BNC2: variants seen among roughly 807,000 people sequenced by gnomAD.
BNC2 encodes the protein basonuclin zinc finger protein 2.
A neutral mutation model predicts 76.3 loss-of-function variants in BNC2; 20 were observed. That is an observed-to-expected ratio of 0.26 (90% confidence interval 0.18 to 0.38). BNC2 has a LOEUF of 0.38. Ranked by LOEUF, BNC2 falls within the 10% of genes least tolerant of loss-of-function variation. The probability of loss-of-function intolerance (pLI) is 1.00; values close to 1 mark genes in which losing one functional copy is unlikely to be tolerated. For missense variants in BNC2, 1,382 were observed against 1,399.8 expected (o/e 0.99, Z 0.20); for synonymous variants, 582 against 514.8 (o/e 1.13, Z -1.77).
chr9:16,591,969 AT>A (rs1819941237), intron 3 of BNC2, among the ~76,000 whole-genome samples: 1 of 152,176 alleles, frequency 6.6e-6, no homozygotes, highest in Admixed American at 6.6e-5. Flanking sequence ...GAAAAAACAC[AT>A]TAGATCTTAT....
chr9:16,615,130 G>T (rs1372229751), intron 3 of BNC2, among the ~76,000 whole-genome samples: 1 of 152,012 alleles, frequency 6.6e-6, no homozygotes, highest in Non-Finnish European at 1.5e-5. Context: ...GATACAGCAT[G>T]ATAAACCCAT....
intron 5 of BNC2, among the ~76,000 whole-genome samples, chr9:16,482,517 C>T (rs1404834253): frequency 6.6e-6 from 1 of 152,042 alleles, no homozygotes; most frequent in Non-Finnish European, 1.5e-5. Flanking sequence ...TCTATTTTGA[C>T]AGTTTAAATT....
At chr9:16,524,955 C>T (rs73417449) in intron 5 of BNC2, among the ~76,000 whole-genome samples, 1 of 151,876 alleles carries the variant, frequency 6.6e-6, no homozygotes, top group Non-Finnish European at 1.5e-5. Context: ...CACCTGCAGT[C>T]CTAGCCACTC....
chr9:16,830,194 C>CA (rs1411957753), intron 1 of BNC2, among the ~76,000 whole-genome samples: 1 of 152,048 alleles, frequency 6.6e-6, no homozygotes, highest in African/African-American at 2.4e-5. Context: ...ATGGTATAAA[C>CA]AAAAAACAAA....
intron 5 of BNC2, among the ~76,000 whole-genome samples, chr9:16,461,155 CAG>C (rs1246507467): frequency 6.6e-6 from 1 of 152,068 alleles, no homozygotes; most frequent in African/African-American, 2.4e-5. Context: ...TCATAAATAA[CAG>C]AATAAATTTT....
At chr9:16,663,369 C>G (rs561197569) in intron 3 of BNC2, among the ~76,000 whole-genome samples, 1 of 152,002 alleles carries the variant, frequency 6.6e-6, no homozygotes, top group Non-Finnish European at 1.5e-5. Context: ...ACCTCATGAT[C>G]CACTGGCCTC....
chr9:16,867,389 G>A (rs1401140645), intron 1 of BNC2: 1 of 151,940 alleles, frequency 6.6e-6, no homozygotes, highest in Non-Finnish European at 1.5e-5. Flanking sequence ...TTTGGGGATC[G>A]TAGGTTGTTT....
intron 1 of BNC2, among the ~76,000 whole-genome samples, chr9:16,865,351 T>G (rs1819519586): frequency 6.6e-6 from 1 of 152,176 alleles, no homozygotes; most frequent in African/African-American, 2.4e-5. Flanking sequence ...TTATTAGAGT[T>G]TTATAGTCAA....
At position 16,682,146 on chromosome 9, in the gene BNC2, C is replaced by T. The variant is rs371630667; in HGVS notation, c.330+45651G>A. Among the ~76,000 whole-genome samples the T allele has an allele frequency of 1.3e-4, 19 of 151,444 alleles. No individual in the cohort carries two copies. In the East Asian group the frequency reaches 3.3e-3, roughly 26 times the overall value. ...CCATTTAATAAGGTGGTAAGGAGAACTTCAGATTTTGTTTAGTTCATACTG... is the reference window on the plus strand; with the variant it reads ...CCATTTAATAAGGTGGTAAGGAGAATTTCAGATTTTGTTTAGTTCATACTG... On this transcript the variant is annotated intron_variant, in intron 3 of 6. Transcript: ENST00000380672.
chr9:16,699,752 T>A lies in BNC2; in HGVS notation c.330+28045A>T, dbSNP rs10962544. 2.2e-4 allele frequency among the ~76,000 whole-genome samples: 33 copies of A among 152,310 alleles called. No homozygotes were observed. In the East Asian group the frequency reaches 4.1e-3, roughly 19 times the overall value. ...CTAAGATTCAAAGAGGTTATATAAC[T>A]TTTACAAAGTCACATAGGAAAGAGA... On this transcript the variant is annotated intron_variant, in intron 3 of 6. Transcript: ENST00000380672.
intron 3 of BNC2, among the ~76,000 whole-genome samples, chr9:16,611,862 T>C (rs1021004305): frequency 5.9e-5 from 9 of 152,160 alleles, no homozygotes; most frequent in Middle Eastern, 3.2e-3. Context: ...ACAAGTAAAT[T>C]TATCATATAA....
chr9:16,436,562 G>A lies in BNC2; in HGVS notation c.1632C>T (p.Pro544=), dbSNP rs756087849. ...PGRPPMGFTT[P]PLDPVLQNPL... ...GATTTTGCAAGACAGGGTCTAGAGG[G>A]GGAGTGGTAAAACCCATTGGGGGTC... The change falls in exon 6 of 7, where the codon CCC becomes CCT. Residue 544 remains proline (P), a synonymous_variant. Transcript: ENST00000380672. 12 of 1,613,990 alleles carry A rather than the reference G, an allele frequency of 7.4e-6. No individual in the cohort carries two copies. Among genetic ancestry groups the A allele is most frequent in the African/African-American group, 1.3e-5 (1 of 74,902 alleles).
chr9:16,658,769 T>A (rs900051819), intron 3 of BNC2, among the ~76,000 whole-genome samples: 4 of 152,190 alleles, frequency 2.6e-5, no homozygotes, highest in African/African-American at 9.7e-5. Flanking sequence ...ACAATCCAGC[T>A]ACCAAATAAC....
chr9:16,718,824 T>C (rs1824064043), intron 3 of BNC2, among the ~76,000 whole-genome samples: 2 of 152,160 alleles, frequency 1.3e-5, no homozygotes. Context: ...ATCCTCAACA[T>C]ACATAGAATT....
intron 3 of BNC2, among the ~76,000 whole-genome samples, chr9:16,656,464 C>A (rs928790356): frequency 6.6e-6 from 1 of 152,040 alleles, no homozygotes; most frequent in Non-Finnish European, 1.5e-5. Flanking sequence ...AAAGTGGAGT[C>A]TGAAGTCAAG....
At chr9:16,601,368 G>T (rs1472818719) in intron 3 of BNC2, among the ~76,000 whole-genome samples, 2 of 152,176 alleles carry the variant, frequency 1.3e-5, no homozygotes, top group Non-Finnish European at 2.9e-5. Context: ...TGTGGTACCA[G>T]AAGAGGCAGG....
At chr9:16,553,082 C>A (rs926994119) in intron 4 of BNC2, among the ~76,000 whole-genome samples, 8 of 151,994 alleles carry the variant, frequency 5.3e-5, no homozygotes, top group Admixed American at 2.6e-4. Flanking sequence ...GTGCTAAAAA[C>A]CTCATTGATT....
chr9:16,424,686 A>T (rs1277508122), intron 6 of BNC2, among the ~76,000 whole-genome samples: 2 of 152,274 alleles, frequency 1.3e-5, no homozygotes, highest in African/African-American at 4.8e-5. Flanking sequence ...TTTATATCCA[A>T]TCTGGGTAAG....
intron 3 of BNC2, among the ~76,000 whole-genome samples, chr9:16,691,380 G>A (rs1244816494): frequency 2.0e-5 from 3 of 152,028 alleles, no homozygotes; most frequent in Non-Finnish European, 4.4e-5. Context: ...TGCTTTACTC[G>A]AAAAACATCC....
Sources: allele counts gnomAD v4.1 joint callset (sites outside exome capture counted in the v4.1 genomes callset), GRCh38; gene constraint gnomAD v4.1.1; transcripts MANE v1.5; gene names NCBI Gene and HGNC (gene_info 2026-07-23, HGNC 2026-07-21).